Variants in RNF138 observed in about 807,000 individuals in gnomAD.
The protein encoded by RNF138 is ring finger protein 138, also known as E3 ubiquitin-protein ligase RNF138.
Under a neutral mutation model 31.0 loss-of-function variants are expected in RNF138, and 12 were observed. That is an observed-to-expected ratio of 0.39 (90% CI 0.25 to 0.63). The LOEUF (loss-of-function observed/expected upper bound fraction) is 0.63, where lower values mean the gene tolerates loss of function less well. RNF138 is among the 20% of genes least tolerant of loss of function. The probability of loss-of-function intolerance (pLI) is 0.52; values close to 1 mark genes in which losing one functional copy is unlikely to be tolerated. For synonymous variants in RNF138, 105 were observed against 99.5 expected, an observed-to-expected ratio of 1.06 and a Z score of -0.33; for missense variants, 192 against 300.1, an observed-to-expected ratio of 0.64 and a Z score of 2.66.
intron 2 of RNF138, among the ~76,000 whole-genome samples, chr18:32,097,657 A>G (rs1306871211): frequency 6.6e-6 from 1 of 151,874 alleles, no homozygotes; most frequent in Non-Finnish European, 1.5e-5. Context: ...ACAGGCATGC[A>G]CCACCATGCT....
At position 32,092,715 on chromosome 18, in the gene RNF138, GCCGCCA is replaced by G; in HGVS notation, c.-58_-53del. 1.9e-6 allele frequency: 2 copies of G among 1,047,576 alleles called. No individual in the cohort carries two copies. Among genetic ancestry groups the G allele is most frequent in the Non-Finnish European group, 1.4e-6 (1 of 702,608 alleles). 64.9% of individuals were successfully genotyped at this position (1,047,576 alleles called of 1,614,324 possible). A position where few individuals can be genotyped will look rare whatever the true frequency, so the allele number is the denominator to read the frequency against. On this transcript the variant is annotated 5_prime_UTR_variant, in exon 2 of 8. Transcript: ENST00000261593. ...GTTCATGTAGGGAGTCGGGCCCCGG[GCCGCCA>G]CCGTCACCTCGGCCGCTGCCGCTGT...
rs2144311812 is a variant in RNF138, at chr18:32,130,855, T to C, written c.*1668T>C. On this transcript the variant is annotated 3_prime_UTR_variant, in exon 8 of 8. Transcript: ENST00000261593. ...TCATTTTAAAGAGTGGTGTTTACTATGTGTGTGCTTGAGCATTTTCTTTCA... is the reference window on the plus strand; with the variant it reads ...TCATTTTAAAGAGTGGTGTTTACTACGTGTGTGCTTGAGCATTTTCTTTCA... The C allele has an allele frequency of 6.6e-6, 1 of 152,586 alleles. No homozygotes were observed. The highest frequency in any genetic ancestry group is 2.1e-4 in the South Asian group (1 of 4,830). 9.5% of individuals were successfully genotyped at this position (152,586 alleles called of 1,614,324 possible).
At chr18:32,110,618 G>A (rs1273921577) in intron 2 of RNF138, among the ~76,000 whole-genome samples, 2 of 152,094 alleles carry the variant, frequency 1.3e-5, no homozygotes, top group Non-Finnish European at 2.9e-5. Flanking sequence ...TATATTTATA[G>A]GAGATTGGAT....
chr18:32,107,116 C>CTTTTTTTTTT (rs58774714), intron 2 of RNF138, among the ~76,000 whole-genome samples: 4 of 100,596 alleles, frequency 4.0e-5, no homozygotes, highest in East Asian at 3.0e-4. Context: ...TCCTTTTTTC[C>CTTTTTTTTTT]TTTTTTTTTT....
At chr18:32,118,198 T>A (rs1261641875) in intron 4 of RNF138, among the ~76,000 whole-genome samples, 1 of 152,226 alleles carries the variant, frequency 6.6e-6, no homozygotes, top group Non-Finnish European at 1.5e-5. Flanking sequence ...ATTAAAATGT[T>A]CTTTTTCTTG....
At chr18:32,122,571 C>T (rs945915070) in intron 4 of RNF138, among the ~76,000 whole-genome samples, 10 of 152,134 alleles carry the variant, frequency 6.6e-5, no homozygotes, top group African/African-American at 1.4e-4. Context: ...CACCTGTAAT[C>T]GCAGCAGTTT....
chr18:32,117,980 G>C (rs1335069768), intron 4 of RNF138, among the ~76,000 whole-genome samples: 1 of 152,060 alleles, frequency 6.6e-6, no homozygotes, highest in Admixed American at 6.5e-5. Flanking sequence ...GAAATCATTT[G>C]GTCTGTTTTC....
intron 6 of RNF138, 145 bp from the exon 7 acceptor site, chr18:32,126,548 G>A: frequency 2.0e-6 from 1 of 512,186 alleles, no homozygotes; most frequent in Non-Finnish European, 3.5e-6. Context: ...ATTGGGAAAT[G>A]ATCTAGTCAT....
intron 2 of RNF138, among the ~76,000 whole-genome samples, chr18:32,093,094 C>T (rs1039426933): frequency 2.0e-5 from 3 of 150,588 alleles, no homozygotes; most frequent in African/African-American, 7.4e-5. Context: ...CGTCCAGCCC[C>T]CTCAGCCCAA....
At chr18:32,097,430 T>G (rs773886014) in intron 2 of RNF138, among the ~76,000 whole-genome samples, 3 of 152,196 alleles carry the variant, frequency 2.0e-5, no homozygotes, top group Admixed American at 6.6e-5. Flanking sequence ...GAACATCCAG[T>G]TCCTGAGTTT....
At position 32,130,279 on chromosome 18, in the gene RNF138, A is replaced by G. The variant is rs896534689; in HGVS notation, c.*1092A>G. The G allele has an allele frequency of 1.3e-5, 2 of 152,480 alleles. No homozygotes were observed. Among genetic ancestry groups the G allele is most frequent in the African/African-American group, 4.8e-5 (2 of 41,544 alleles). The allele number at this position is 152,480 out of a possible 1,614,324, so 9.4% of individuals were successfully genotyped here. On this transcript the variant is annotated 3_prime_UTR_variant, in exon 8 of 8. Coordinates refer to ENST00000261593, the MANE Select transcript of RNF138 (RefSeq NM_016271.5). ...GTGCTAAGTTATCTAGTTGGCTACT[A>G]TTACACCTTAAAAATTGAGTTTACA... is the stretch of plus-strand genomic sequence containing the variant.
chr18:32,111,564 C>A (rs1352595621), intron 2 of RNF138, among the ~76,000 whole-genome samples, 190 bp from the exon 3 acceptor site: 1 of 152,168 alleles, frequency 6.6e-6, no homozygotes, highest in African/African-American at 2.4e-5. Flanking sequence ...ATATTCCCAT[C>A]TAGTCCAGTT....
At chr18:32,096,296 G>A (rs1310044238) in intron 2 of RNF138, among the ~76,000 whole-genome samples, 2 of 152,068 alleles carry the variant, frequency 1.3e-5, no homozygotes, top group African/African-American at 2.4e-5. Context: ...TGAAGAGGTC[G>A]GTCATTCATT....
chr18:32,097,752 C>T (rs540023177), intron 2 of RNF138, among the ~76,000 whole-genome samples: 13 of 151,726 alleles, frequency 8.6e-5, no homozygotes, highest in East Asian at 3.9e-4. Flanking sequence ...CGAACCCCTG[C>T]GCTCAAGTGA....
intron 3 of RNF138, among the ~76,000 whole-genome samples, chr18:32,113,028 G>A (rs554431801): frequency 4.3e-4 from 66 of 152,262 alleles, no homozygotes; most frequent in Non-Finnish European, 6.6e-4. Context: ...AGAGATTCTG[G>A]CTATTCCTCT....
At chr18:32,117,822 C>T (rs2040241541) in intron 4 of RNF138, among the ~76,000 whole-genome samples, 1 of 152,154 alleles carries the variant, frequency 6.6e-6, no homozygotes, top group Non-Finnish European at 1.5e-5. Flanking sequence ...GCTAATTTTA[C>T]TAAGGCCATT....
chr18:32,118,829 C>CA (rs1228697206), intron 4 of RNF138, among the ~76,000 whole-genome samples: 7 of 149,248 alleles, frequency 4.7e-5, no homozygotes, highest in Non-Finnish European at 8.9e-5. Context: ...GACTCCGTCT[C>CA]AAAAAAAAAG....
rs910724436 is a variant in RNF138, at chr18:32,129,947, C to T, written c.*760C>T. 2.0e-5 allele frequency: 3 copies of T among 151,958 alleles called. No homozygotes were observed. Among genetic ancestry groups the T allele is most frequent in the Non-Finnish European group, 4.4e-5 (3 of 67,878 alleles). The allele number at this position is 151,958 out of a possible 1,614,324, so 9.4% of individuals were successfully genotyped here. ...CTTTGGCCTCAGAATTTTCAGTAGC[C>T]AGTATTTCTGATTAACTAAGTTGAA... On this transcript the variant is annotated 3_prime_UTR_variant, in exon 8 of 8. Transcript: ENST00000261593.
At chr18:32,102,195 CTTTTTTTT>C (rs1167535943) in intron 2 of RNF138, among the ~76,000 whole-genome samples, 4 of 63,812 alleles carry the variant, frequency 6.3e-5, no homozygotes, top group Non-Finnish European at 8.4e-5. Flanking sequence ...CTTTTAGTTT[CTTTTTTTT>C]TTTTTTTTTT....
Sources: gnomAD v4.1 joint callset for allele counts (sites outside exome capture counted in the v4.1 genomes callset) on GRCh38, gnomAD v4.1.1 for gene constraint, MANE v1.5 for transcripts, NCBI Gene and HGNC (gene_info 2026-07-23, HGNC 2026-07-21) for gene names.